Variants in MAPK10 observed in about 807,000 individuals in gnomAD.
The protein encoded by MAPK10 is JNK3 alpha protein kinase.
MAPK10 carries 25 observed loss-of-function variants against 59.3 expected under a neutral mutation model. That is an observed-to-expected ratio of 0.42 (90% CI 0.31 to 0.59). The LOEUF (loss-of-function observed/expected upper bound fraction) is 0.59, where lower values mean the gene tolerates loss of function less well. Among genes scored for constraint, MAPK10 ranks in the 20% least tolerant of loss-of-function variants. The probability of loss-of-function intolerance (pLI) is 0.15; values close to 1 mark genes in which losing one functional copy is unlikely to be tolerated. For synonymous variants in MAPK10, 190 were observed against 200.5 expected (o/e 0.95, Z 0.44); for missense variants, 351 against 568.9 (o/e 0.62, Z 3.90).
chr4:86,538,518 T>C (rs529355348), intron 1 of MAPK10, among the ~76,000 whole-genome samples: 5 of 152,196 alleles, frequency 3.3e-5, no homozygotes, highest in Non-Finnish European at 7.4e-5. Context: ...TCTTTTTCGT[T>C]AAGTGTATTT....
At chr4:86,176,645 A>AG (rs2075743583) in intron 3 of MAPK10, among the ~76,000 whole-genome samples, 1 of 135,144 alleles carries the variant, frequency 7.4e-6, no homozygotes, top group African/African-American at 3.5e-5. Context: ...ATAAATTTTT[A>AG]GAAAAAAACT....
intron 1 of MAPK10, among the ~76,000 whole-genome samples, chr4:86,550,388 A>AAC (rs1759671716): frequency 1.4e-5 from 1 of 71,382 alleles, no homozygotes; most frequent in Admixed American, 1.9e-4. Context: ...AAAAAAAAAA[A>AAC]AAAAAAAAAA....
chr4:86,547,529 G>C (rs1406767362), intron 1 of MAPK10, among the ~76,000 whole-genome samples: 1 of 152,208 alleles, frequency 6.6e-6, no homozygotes, highest in Non-Finnish European at 1.5e-5. Flanking sequence ...CGCCATGCCT[G>C]AGCCTCCCCC....
chr4:86,059,252 G>T (rs1482328761), intron 11 of MAPK10, among the ~76,000 whole-genome samples: 1 of 152,152 alleles, frequency 6.6e-6, no homozygotes, highest in Non-Finnish European at 1.5e-5. Context: ...TGCTCACAGG[G>T]CATGGAATCT....
chr4:86,129,785 G>A (rs1311686460), intron 4 of MAPK10, among the ~76,000 whole-genome samples: 2 of 152,064 alleles, frequency 1.3e-5, no homozygotes, highest in Non-Finnish European at 1.5e-5. Context: ...GTGGTTTTGT[G>A]TGTGCTCAGT....
intron 3 of MAPK10, among the ~76,000 whole-genome samples, chr4:86,181,698 C>A (rs1214965625): frequency 6.6e-6 from 1 of 151,878 alleles, no homozygotes; most frequent in African/African-American, 2.4e-5. Flanking sequence ...AACTTCTGGG[C>A]CTGGGAGTTA....
chr4:86,091,258 AATTAT>A (rs1353985370), intron 9 of MAPK10: 2 of 151,410 alleles, frequency 1.3e-5, no homozygotes, highest in African/African-American at 4.8e-5. Context: ...AAATTTACAT[AATTAT>A]ATTATATATT....
intron 13 of MAPK10, chr4:86,024,951 T>C (rs1749435434): frequency 6.6e-6 from 1 of 152,234 alleles, no homozygotes; most frequent in Non-Finnish European, 1.5e-5. Context: ...TCTGATTTTA[T>C]ATGGCACAAA....
chr4:86,573,774 G>C (rs973157450), intron 1 of MAPK10, among the ~76,000 whole-genome samples: 2 of 151,976 alleles, frequency 1.3e-5, no homozygotes, highest in African/African-American at 4.8e-5. Flanking sequence ...ATGTTTTATA[G>C]TTTTCAATAT....
At chr4:86,168,451 G>C (rs142457343) in intron 3 of MAPK10, among the ~76,000 whole-genome samples, 1,742 of 152,278 alleles carry the variant, frequency 0.011, 34 homozygotes, top group African/African-American at 0.04. Context: ...ACGGAGTCTC[G>C]CTGATTGCTA....
At chr4:86,525,094 G>T (rs945844522) in intron 1 of MAPK10, among the ~76,000 whole-genome samples, 1 of 151,980 alleles carries the variant, frequency 6.6e-6, no homozygotes, top group Non-Finnish European at 1.5e-5. Context: ...GCTCGAGTTC[G>T]AGACCAGCCT....
intron 2 of MAPK10, among the ~76,000 whole-genome samples, chr4:86,313,359 A>G (rs1014288877): frequency 3.3e-5 from 5 of 152,122 alleles, no homozygotes; most frequent in Admixed American, 6.6e-5. Flanking sequence ...CATAAAAGCA[A>G]TAACTATAAA....
intron 1 of MAPK10, among the ~76,000 whole-genome samples, chr4:86,445,299 C>T (rs1349458188): frequency 6.6e-6 from 1 of 152,122 alleles, no homozygotes; most frequent in Non-Finnish European, 1.5e-5. Flanking sequence ...AGCCATTATC[C>T]TCAGCAAACT....
chr4:86,428,977 G>A (rs990426310), intron 1 of MAPK10, among the ~76,000 whole-genome samples: 1 of 151,934 alleles, frequency 6.6e-6, no homozygotes, highest in Admixed American at 6.6e-5. Context: ...GTTCTTGCGG[G>A]GTTTTTCTGT....
intron 3 of MAPK10, among the ~76,000 whole-genome samples, chr4:86,164,286 A>G (rs1440857863): frequency 2.0e-5 from 3 of 152,152 alleles, no homozygotes; most frequent in Admixed American, 1.3e-4. Context: ...AAACCATTAA[A>G]TCCAGTTTTA....
intron 11 of MAPK10, among the ~76,000 whole-genome samples, chr4:86,054,757 A>C (rs1201007794): frequency 6.6e-6 from 1 of 152,184 alleles, no homozygotes; most frequent in Non-Finnish European, 1.5e-5. Context: ...CTTCTATGAC[A>C]GATAGATGGT....
chr4:86,050,768 C>A (rs988984395), intron 11 of MAPK10, among the ~76,000 whole-genome samples: 1 of 152,100 alleles, frequency 6.6e-6, no homozygotes, highest in Non-Finnish European at 1.5e-5. Flanking sequence ...GAGGCATGAG[C>A]AGGCCTACCT....
intron 2 of MAPK10, among the ~76,000 whole-genome samples, chr4:86,307,187 T>C (rs966969323): frequency 1.3e-5 from 2 of 152,150 alleles, no homozygotes; most frequent in African/African-American, 4.8e-5. Context: ...GTCCATTACT[T>C]AGAAAATAAA....
intron 3 of MAPK10, among the ~76,000 whole-genome samples, chr4:86,185,552 A>G (rs2078005316): frequency 6.6e-6 from 1 of 152,178 alleles, no homozygotes; most frequent in Non-Finnish European, 1.5e-5. Flanking sequence ...AAGGAGTGAC[A>G]TGATCTCAAT....
Sources: allele counts gnomAD v4.1 joint callset (sites outside exome capture counted in the v4.1 genomes callset), GRCh38; gene constraint gnomAD v4.1.1; transcripts MANE v1.5; gene names NCBI Gene and HGNC (gene_info 2026-07-23, HGNC 2026-07-21).